The following SLC27A6 variants were observed in gnomAD, a reference collection of about 807,000 sequenced individuals.
SLC27A6 encodes long-chain fatty acid transport protein 6.
In SLC27A6, 74 loss-of-function variants were observed where a neutral mutation model predicts 63.9. That is an observed-to-expected ratio of 1.16 (90% CI 0.96 to 1.40). The LOEUF (loss-of-function observed/expected upper bound fraction) is 1.40, where lower values mean the gene tolerates loss of function less well. SLC27A6 is among the 40% of genes most tolerant of loss of function. SLC27A6 has a pLI of 0.00. For synonymous variants in SLC27A6, 287 were observed against 260.8 expected (o/e 1.10, Z -0.97); for missense variants, 794 against 732.9 (o/e 1.08, Z -0.96).
chr5:128,987,260 A>G (rs997362132), intron 2 of SLC27A6, among the ~76,000 whole-genome samples: 9 of 152,170 alleles, frequency 5.9e-5, no homozygotes, highest in Admixed American at 5.2e-4. Flanking sequence ...TGAATAGCCC[A>G]CATGTAAAAA....
intron 4 of SLC27A6, among the ~76,000 whole-genome samples, chr5:128,992,216 G>A (rs73784818): frequency 1.8e-4 from 20 of 108,436 alleles, no homozygotes; most frequent in African/African-American, 7.6e-4. Flanking sequence ...TACGTGGGGT[G>A]GGGCAACAGA....
rs560448644 is a variant in SLC27A6, at chr5:128,967,525, T to C, written c.481+907T>C. Reference sequence around the variant, plus strand: ...TTAATAGATACATACCAATACCTTGTATAAAGTTTTTAAACTCACAGAACA... The same window carrying C: ...TTAATAGATACATACCAATACCTTGCATAAAGTTTTTAAACTCACAGAACA... On this transcript the variant is annotated intron_variant, in intron 1 of 9. Coordinates refer to ENST00000262462, the MANE Select transcript of SLC27A6 (RefSeq NM_001017372.3). Among the ~76,000 whole-genome samples the C allele has an allele frequency of 2.6e-5, 4 of 152,294 alleles. No individual in the cohort carries two copies. The South Asian group carries it at 8.3e-4, about 32-fold the overall frequency.
chr5:128,973,939 C>T (rs1248178486), intron 1 of SLC27A6, among the ~76,000 whole-genome samples: 1 of 152,194 alleles, frequency 6.6e-6, no homozygotes, highest in Non-Finnish European at 1.5e-5. Flanking sequence ...TCTGAGCACT[C>T]ATTTTAATCT....
intron 4 of SLC27A6, among the ~76,000 whole-genome samples, chr5:129,013,341 C>T (rs1022768070): frequency 2.0e-5 from 3 of 152,062 alleles, no homozygotes; most frequent in Non-Finnish European, 4.4e-5. Flanking sequence ...TACCGTTCTA[C>T]TAAAAACAAA....
At chr5:128,989,602 AT>A (rs1003737817) in intron 3 of SLC27A6, among the ~76,000 whole-genome samples, 6 of 152,204 alleles carry the variant, frequency 3.9e-5, no homozygotes, top group African/African-American at 1.4e-4. Context: ...TATCTTGCTA[AT>A]TCAACCTTAC....
intron 1 of SLC27A6, 79 bp downstream of exon 1, chr5:128,966,697 A>T: frequency 7.5e-7 from 1 of 1,327,532 alleles, no homozygotes; most frequent in Non-Finnish European, 9.7e-7. Flanking sequence ...CTTTAGGATA[A>T]TTCGTAACTA....
rs375951215 is a variant in SLC27A6, at chr5:128,969,710, C to G, written c.481+3092C>G. Among the ~76,000 whole-genome samples the G allele has an allele frequency of 3.2e-4, 48 of 152,260 alleles. No homozygotes were observed. The East Asian group carries it at 8.3e-3, about 26-fold the overall frequency. ...AATATACAATCATGTCATCTGCAAA[C>G]AGGGACAATTTGACTTCCTCTTTTC... On this transcript the variant is annotated intron_variant, in intron 1 of 9. Transcript: ENST00000262462.
chr5:129,011,154 G>C (rs541537456), intron 4 of SLC27A6, among the ~76,000 whole-genome samples: 2 of 152,134 alleles, frequency 1.3e-5, no homozygotes, highest in African/African-American at 4.8e-5. Context: ...TATTTATCTT[G>C]GTAGATAATT....
intron 4 of SLC27A6, among the ~76,000 whole-genome samples, chr5:128,995,591 A>T (rs953465955): frequency 5.3e-5 from 8 of 152,294 alleles, no homozygotes; most frequent in African/African-American, 1.9e-4. Context: ...CAGAAATAGT[A>T]ATCTATGAGC....
intron 1 of SLC27A6, among the ~76,000 whole-genome samples, chr5:128,984,090 G>A (rs1414270044): frequency 6.6e-6 from 1 of 152,204 alleles, no homozygotes; most frequent in Middle Eastern, 3.2e-3. Context: ...GAGTTGCCAT[G>A]TAGAATATAA....
At chr5:129,008,015 T>A (rs761439956) in intron 4 of SLC27A6, among the ~76,000 whole-genome samples, 3 of 152,058 alleles carry the variant, frequency 2.0e-5, no homozygotes, top group Non-Finnish European at 4.4e-5. Context: ...ACTTTTAATG[T>A]ATATATAGAT....
At chr5:129,024,820 A>G (rs1752182900) in intron 6 of SLC27A6, among the ~76,000 whole-genome samples, 1 of 152,140 alleles carries the variant, frequency 6.6e-6, no homozygotes, top group Non-Finnish European at 1.5e-5. Flanking sequence ...CTTTTCTTCA[A>G]ATGTGAAGAT....
At chr5:128,980,123 C>T (rs2150131525) in intron 1 of SLC27A6, among the ~76,000 whole-genome samples, 1 of 152,288 alleles carries the variant, frequency 6.6e-6, no homozygotes, top group South Asian at 2.1e-4. Context: ...CTCCTCTTTT[C>T]AGTCTTCAAC....
At chr5:129,029,816 G>C in intron 9 of SLC27A6, 109 bp downstream of exon 9, 1 of 962,914 alleles carries the variant, frequency 1.0e-6, no homozygotes. Context: ...TTATGTGAGA[G>C]GCGTGGCGTG....
In SLC27A6 at chr5:129,007,712, C is replaced by A. The variant is rs182889135; in HGVS notation, c.970-8173C>A. Among the ~76,000 whole-genome samples, 237 of 151,952 alleles carry A rather than the reference C, an allele frequency of 1.6e-3. 1 individual carries two copies. Among genetic ancestry groups the A allele is most frequent in the African/African-American group, 5.5e-3 (230 of 41,466 alleles). On this transcript the variant is annotated intron_variant, in intron 4 of 9. Transcript: ENST00000262462. ...TCCTCAATAAGATATAAATTTTTAG[C>A]CAACAATTTGGTAACATATCCATAA...
At chr5:128,988,490 T>C (rs1750865596) in intron 2 of SLC27A6, 110 bp from the exon 3 acceptor site, 1 of 785,520 alleles carries the variant, frequency 1.3e-6, no homozygotes, top group African/African-American at 1.7e-5. Flanking sequence ...GTAGTTGTTA[T>C]CAGTATCATC....
chr5:128,981,466 G>A (rs1490818033), intron 1 of SLC27A6, among the ~76,000 whole-genome samples: 3 of 149,932 alleles, frequency 2.0e-5, no homozygotes, highest in Admixed American at 1.3e-4. Flanking sequence ...GGAGGACAGA[G>A]TGAGACTCCA....
At chr5:129,029,824 G>A (rs1752360748) in intron 9 of SLC27A6, 117 bp downstream of exon 9, 23 of 875,974 alleles carry the variant, frequency 2.6e-5, no homozygotes, top group South Asian at 1.3e-4. Flanking sequence ...GAGGCGTGGC[G>A]TGTAGAGTTG....
At chr5:128,981,209 G>A (rs55929559) in intron 1 of SLC27A6, among the ~76,000 whole-genome samples, 7,354 of 152,250 alleles carry the variant, frequency 0.048, 272 homozygotes, top group Middle Eastern at 0.082. Flanking sequence ...GCTGGGCGTG[G>A]TGGCTCATGT....
Sources: allele counts gnomAD v4.1 joint callset (sites outside exome capture counted in the v4.1 genomes callset), GRCh38; gene constraint gnomAD v4.1.1; transcripts MANE v1.5; gene names NCBI Gene and HGNC (gene_info 2026-07-23, HGNC 2026-07-21).